The following MAPK8 variants were observed in gnomAD, a reference collection of about 807,000 sequenced individuals.
The protein encoded by MAPK8 is mitogen-activated protein kinase 8, also known as JUN N-terminal kinase.
A neutral mutation model predicts 52.9 loss-of-function variants in MAPK8; 13 were observed. The observed-to-expected ratio is 0.25, with a 90% CI of 0.16 to 0.39. The LOEUF is 0.39. MAPK8 is among the 10% of genes least tolerant of loss of function. MAPK8 has a pLI of 1.00. For synonymous variants in MAPK8, 191 were observed against 169.8 expected (o/e 1.12, Z -0.97); for missense variants, 300 against 519.2 (o/e 0.58, Z 4.10).
rs533158115 is a variant in MAPK8 at position 48,434,823 on chromosome 10, G to GC, written c.1139-60dup. 9.3e-5 allele frequency: 138 copies of GC among 1,480,790 alleles called. No individual in the cohort carries two copies. In the African/African-American group the frequency reaches 1.8e-3, roughly 19 times the overall value. The allele number at this position is 1,480,790 out of a possible 1,614,324, so 91.7% of individuals were successfully genotyped here. ...TACCACTGGAGGCAGTCAGTGCAGTGCAAGTAGCTTGATCTGCAGCTGTCT... is the reference window on the plus strand; with the variant it reads ...TACCACTGGAGGCAGTCAGTGCAGTGCCAAGTAGCTTGATCTGCAGCTGTCT... On this transcript the variant is annotated intron_variant, in intron 11 of 11. Coordinates refer to ENST00000374189, the MANE Select transcript of MAPK8 (RefSeq NM_001323329.2).
At chr10:48,322,742 T>A (rs189007583) in intron 1 of MAPK8, among the ~76,000 whole-genome samples, 7 of 152,302 alleles carry the variant, frequency 4.6e-5, no homozygotes, top group African/African-American at 1.7e-4. Context: ...TCTTTGGAAT[T>A]GGCAGATCCC....
intron 1 of MAPK8, among the ~76,000 whole-genome samples, chr10:48,317,681 T>G (rs1401589794): frequency 6.6e-6 from 1 of 152,144 alleles, no homozygotes; most frequent in Admixed American, 6.5e-5. Context: ...AGAGGAGAGA[T>G]CTTTTCCATC....
At position 48,401,617 on chromosome 10, in the gene MAPK8, T is replaced by G; in HGVS notation, c.-44T>G. The stretch of plus-strand genomic sequence containing the variant: ...TGTTTTGTTGCATCTTGCAGCTTCT[T>G]GGTGAATTTTTGGATGAAGCCATTA... On this transcript the variant is annotated 5_prime_UTR_variant, in exon 2 of 12. Transcript: ENST00000374189. The G allele has an allele frequency of 6.2e-7, 1 of 1,600,300 alleles. No individual in the cohort carries two copies. The highest frequency in any genetic ancestry group is 8.5e-7 in the Non-Finnish European group (1 of 1,174,960).
At chr10:48,344,390 T>G (rs192572588) in intron 1 of MAPK8, among the ~76,000 whole-genome samples, 10 of 152,374 alleles carry the variant, frequency 6.6e-5, no homozygotes, top group Non-Finnish European at 4.4e-5. Context: ...GTTGCCAGAT[T>G]GGCCATCTGC....
In MAPK8 at chr10:48,352,179, T is replaced by C. The variant is rs575943493; in HGVS notation, c.-50+45358T>C. Among the ~76,000 whole-genome samples, 7 of 152,288 alleles carry C rather than the reference T, an allele frequency of 4.6e-5. No individual in the cohort carries two copies. In the South Asian group the frequency reaches 1.5e-3, roughly 32 times the overall value. On this transcript the variant is annotated intron_variant, in intron 1 of 11. Transcript: ENST00000374189. ...ATGAAAATAGGCCCGAATGATTTCA[T>C]TGGAGAATTCTAGCAAAGGCTTAAA...
rs370766776 is a variant in MAPK8 at position 48,324,503 on chromosome 10, G to GTTTTT, written c.-50+17695_-50+17699dup. Among the ~76,000 whole-genome samples the GTTTTT allele has an allele frequency of 9.2e-3, 1,088 of 118,000 alleles. 70 individuals carry two copies. The highest frequency in any genetic ancestry group is 0.033 in the African/African-American group (916 of 28,106). The allele number at this position is 118,000 out of a possible 152,430, so 77.4% of individuals were successfully genotyped here. On this transcript the variant is annotated intron_variant, in intron 1 of 11. Transcript: ENST00000374189. ...TATACAACAGTTGTCCTGTTTTCTA[G>GTTTTT]TTTTTTTTTTTTTTTTTACACTCAT...
intron 5 of MAPK8, among the ~76,000 whole-genome samples, chr10:48,416,982 C>G (rs1353557683): frequency 6.6e-6 from 1 of 152,222 alleles, no homozygotes; most frequent in Non-Finnish European, 1.5e-5. Flanking sequence ...GGCCATCCTT[C>G]TCAGCCTTGC....
rs568271302 is a variant in MAPK8 at position 48,339,432 on chromosome 10, A to T, written c.-50+32611A>T. Among the ~76,000 whole-genome samples, 3 of 152,344 alleles carry T rather than the reference A, an allele frequency of 2.0e-5. No homozygotes were observed. The South Asian group carries it at 6.2e-4, about 32-fold the overall frequency. ...CTACCTCTCACTATATACAAAAATT[A>T]ACTCAAGATGGATTAAAGACTTATT... is the stretch of plus-strand genomic sequence containing the variant. On this transcript the variant is annotated intron_variant, in intron 1 of 11. Coordinates refer to ENST00000374189, the MANE Select transcript of MAPK8 (RefSeq NM_001323329.2).
chr10:48,332,545 CT>C, intron 1 of MAPK8, among the ~76,000 whole-genome samples: 1 of 152,164 alleles, frequency 6.6e-6, no homozygotes, highest in Admixed American at 6.5e-5. Context: ...ATTCTTCTTT[CT>C]TCTCTCTGAT....
At chr10:48,394,157 A>G (rs1270528979) in intron 1 of MAPK8, among the ~76,000 whole-genome samples, 1 of 151,990 alleles carries the variant, frequency 6.6e-6, no homozygotes, top group Non-Finnish European at 1.5e-5. Context: ...TCCCTCAAAA[A>G]GAAAACAACT....
chr10:48,313,104 G>T (rs1003178185), intron 1 of MAPK8, among the ~76,000 whole-genome samples: 1 of 152,132 alleles, frequency 6.6e-6, no homozygotes, highest in African/African-American at 2.4e-5. Context: ...AGAGGTTGTA[G>T]CCTCATGATT....
intron 11 of MAPK8, among the ~76,000 whole-genome samples, chr10:48,434,116 A>C (rs190470651): frequency 2.7e-4 from 41 of 152,274 alleles, no homozygotes; most frequent in Non-Finnish European, 4.4e-4. Flanking sequence ...ATTCCTGTTA[A>C]CTTTTTAAAA....
intron 1 of MAPK8, among the ~76,000 whole-genome samples, chr10:48,374,002 A>G (rs1199335860): frequency 1.3e-5 from 2 of 152,142 alleles, no homozygotes; most frequent in Non-Finnish European, 2.9e-5. Flanking sequence ...GTGGAGGTAA[A>G]ACACTCCTCA....
chr10:48,420,149 C>T lies in MAPK8; in HGVS notation c.451-6C>T. ...GCAGTCATTTTTTAATTTTTATTTT[C>T]TGAAGGACTTAAAGCCCAGTAATAT... is the stretch of plus-strand genomic sequence containing the variant. On this transcript the variant is annotated splice_polypyrimidine_tract_variant and splice_region_variant and intron_variant, in intron 5 of 11. Transcript: ENST00000374189. 1 of 1,599,726 alleles carries T rather than the reference C, an allele frequency of 6.3e-7. No individual in the cohort carries two copies. Among genetic ancestry groups the T allele is most frequent in the Non-Finnish European group, 8.5e-7 (1 of 1,171,258 alleles).
At chr10:48,431,481 TACTG>T (rs1290984438) in intron 11 of MAPK8, among the ~76,000 whole-genome samples, 1 of 152,240 alleles carries the variant, frequency 6.6e-6, no homozygotes, top group Non-Finnish European at 1.5e-5. Flanking sequence ...TTTTCTATGA[TACTG>T]ACATTCTGAA....
At chr10:48,364,339 G>A (rs1055322819) in intron 1 of MAPK8, among the ~76,000 whole-genome samples, 1 of 151,858 alleles carries the variant, frequency 6.6e-6, no homozygotes, top group Non-Finnish European at 1.5e-5. Flanking sequence ...GCCAAATAAT[G>A]AGTATAATGA....
At chr10:48,365,064 A>G (rs1847906223) in intron 1 of MAPK8, among the ~76,000 whole-genome samples, 1 of 152,190 alleles carries the variant, frequency 6.6e-6, no homozygotes, top group Admixed American at 6.5e-5. Context: ...ATGTAAATAC[A>G]CATTATTTAC....
chr10:48,362,868 G>A (rs539949801), intron 1 of MAPK8, among the ~76,000 whole-genome samples: 13 of 151,112 alleles, frequency 8.6e-5, no homozygotes, highest in African/African-American at 2.9e-4. Context: ...AGCCTCCTGA[G>A]TAGCTGGGAT....
At chr10:48,411,397 A>G (rs186019321) in intron 5 of MAPK8, among the ~76,000 whole-genome samples, 4 of 152,032 alleles carry the variant, frequency 2.6e-5, no homozygotes, top group Non-Finnish European at 2.9e-5. Flanking sequence ...TGGTCTTGGC[A>G]CCCCTGTCAA....
Sources: allele counts gnomAD v4.1 joint callset (sites outside exome capture counted in the v4.1 genomes callset), GRCh38; gene constraint gnomAD v4.1.1; transcripts MANE v1.5; gene names NCBI Gene and HGNC (gene_info 2026-07-23, HGNC 2026-07-21).